The following SPINDOC variants were observed in gnomAD, a reference collection of about 807,000 sequenced individuals.
The protein encoded by SPINDOC is spindlin interactor and repressor of chromatin-binding protein.
In SPINDOC, 13 loss-of-function variants were observed where a neutral mutation model predicts 30.7. That is an observed-to-expected ratio of 0.42 (90% CI 0.28 to 0.67). SPINDOC has a LOEUF of 0.67. Among genes scored for constraint, SPINDOC ranks in the 30% least tolerant of loss-of-function variants. SPINDOC has a pLI of 0.22. For synonymous variants in SPINDOC, 228 were observed against 211.4 expected, an observed-to-expected ratio of 1.08 and a Z score of -0.68; for missense variants, 438 against 518.0, an observed-to-expected ratio of 0.85 and a Z score of 1.50.
intron 5 of SPINDOC, among the ~76,000 whole-genome samples, 168 bp from the exon 6 acceptor site, chr11:63,826,760 G>A (rs2015663571): frequency 6.6e-6 from 1 of 152,228 alleles, no homozygotes. Context: ...GATCACCCAG[G>A]AGTGGAGCTC....
intron 5 of SPINDOC, chr11:63,823,221 TCAGACGATCTCACGAACC>T: frequency 5.4e-6 from 7 of 1,288,204 alleles, no homozygotes; most frequent in Non-Finnish European, 7.1e-6. Context: ...ACCTGTGGTT[TCAGACGATCTCACGAACC>T]CAAAGCTTGG....
chr11:63,825,966 TCTCA>T (rs754622429), intron 5 of SPINDOC, among the ~76,000 whole-genome samples: 1 of 151,742 alleles, frequency 6.6e-6, no homozygotes, highest in Non-Finnish European at 1.5e-5. Context: ...TTTGAGACAG[TCTCA>T]CTCTATTGCC....
At chr11:63,823,182 G>T in intron 5 of SPINDOC, 1 of 1,289,046 alleles carries the variant, frequency 7.8e-7, no homozygotes, top group Non-Finnish European at 1.0e-6. Context: ...GGGCCCCCGT[G>T]GCGGTTCTTT....
chr11:63,817,751 G>C (rs2015380338), intron 1 of SPINDOC, 54 bp from the exon 2 acceptor site: 24 of 1,444,064 alleles, frequency 1.7e-5, no homozygotes, highest in Non-Finnish European at 2.2e-5. Context: ...CGTGCTAAGT[G>C]TTGTTGGTTG....
intron 5 of SPINDOC, among the ~76,000 whole-genome samples, chr11:63,824,460 A>G (rs1368490364): frequency 6.6e-6 from 1 of 152,066 alleles, no homozygotes; most frequent in African/African-American, 2.4e-5. Context: ...CCTGCACTAT[A>G]ATATCTGCGG....
Position 63,818,465 on chromosome 11 carries a change from C to T in SPINDOC, c.608-62C>T. The T allele has an allele frequency of 6.2e-7, 1 of 1,604,106 alleles. No individual in the cohort carries two copies. Among genetic ancestry groups the T allele is most frequent in the Non-Finnish European group, 8.5e-7 (1 of 1,177,348 alleles). ...TTCTGGGCAGGTATCTTCAGGAGCCCTGGGGTGGCAGGGTTCGGGGATGGC... is the reference window on the plus strand; with the variant it reads ...TTCTGGGCAGGTATCTTCAGGAGCCTTGGGGTGGCAGGGTTCGGGGATGGC... On this transcript the variant is annotated intron_variant, in intron 3 of 5. Transcript: ENST00000294244. The surrounding 1 kb of genome is among the most constrained non-coding windows in gnomAD (Gnocchi z 5.3).
intron 5 of SPINDOC, chr11:63,822,542 G>A: frequency 8.4e-7 from 1 of 1,191,188 alleles, no homozygotes; most frequent in South Asian, 1.3e-5. Flanking sequence ...AGTTGCTTTT[G>A]TTTATTTGCC....
At chr11:63,819,563 C>A (rs1399810303) in intron 5 of SPINDOC, among the ~76,000 whole-genome samples, 1 of 151,736 alleles carries the variant, frequency 6.6e-6, no homozygotes, top group Non-Finnish European at 1.5e-5. Context: ...GTGGCGCGAT[C>A]TCGGTTCAGT....
intron 1 of SPINDOC, among the ~76,000 whole-genome samples, chr11:63,815,519 A>G (rs1046722577): frequency 6.6e-6 from 1 of 152,240 alleles, no homozygotes; most frequent in Non-Finnish European, 1.5e-5. Context: ...GCAGTCAGAT[A>G]CATGGGCCTA....
Position 63,818,358 on chromosome 11 carries a change from G to A in SPINDOC, c.600G>A (p.Glu200=), listed in dbSNP as rs751085505. Residue 200 remains glutamate (E), a synonymous_variant, in exon 3 of 6, where the codon GAG becomes GAA. Transcript: ENST00000294244. This position sits in a 1 kb window ranked among gnomAD's most constrained non-coding sequence, Gnocchi z 5.3. ...RSRPRGLRPL[E]LPAVPATEPG... ...GGCCCAGGGGACTCCGCCCCCTCGAGCTTCCTGGTTAGTCAACAGAGAAGC... is the reference window on the plus strand; with the variant it reads ...GGCCCAGGGGACTCCGCCCCCTCGAACTTCCTGGTTAGTCAACAGAGAAGC... 15 of 1,613,692 alleles carry A rather than the reference G, an allele frequency of 9.3e-6. No homozygotes were observed. The highest frequency in any genetic ancestry group is 1.3e-5 in the African/African-American group (1 of 74,884).
At position 63,813,774 on chromosome 11, in the gene SPINDOC, G is replaced by A. The variant is rs768953736; in HGVS notation, c.88G>A (p.Val30Met). The A allele has an allele frequency of 1.9e-6, 3 of 1,591,552 alleles. No homozygotes were observed. Among genetic ancestry groups the A allele is most frequent in the Non-Finnish European group, 2.6e-6 (3 of 1,170,058 alleles). Residue 30 changes from valine (V) to methionine (M), a missense_variant, in exon 1 of 6, where the codon GTG becomes ATG. By Grantham distance (21) the Val-to-Met change is conservative. Transcript: ENST00000294244. The stretch of plus-strand genomic sequence containing the variant: ...AGGGGAGGACGAGGAGGAGGCCATG[G>A]TGGTGGCCGTAATTCCGCGGCCCGA... ...EEGEDEEEAM[V>M]VAVIPRPEPM...
At chr11:63,825,224 G>A (rs534540639) in intron 5 of SPINDOC, among the ~76,000 whole-genome samples, 39 of 152,116 alleles carry the variant, frequency 2.6e-4, no homozygotes, top group Non-Finnish European at 4.9e-4. Flanking sequence ...TGACTAGTGA[G>A]CTCCCCACAG....
intron 5 of SPINDOC, among the ~76,000 whole-genome samples, chr11:63,824,255 A>T (rs1010519435): frequency 6.6e-6 from 1 of 151,458 alleles, no homozygotes; most frequent in Admixed American, 6.6e-5. Flanking sequence ...CTGATCACTC[A>T]CTCCTTCCTG....
At chr11:63,823,045 A>G in intron 5 of SPINDOC, 1 of 1,081,864 alleles carries the variant, frequency 9.2e-7, no homozygotes, top group Non-Finnish European at 1.2e-6. Flanking sequence ...TCACTGGTAC[A>G]CAAGTGTTCC....
chr11:63,814,089 T>G (rs2015273257), intron 1 of SPINDOC, among the ~76,000 whole-genome samples: 1 of 152,086 alleles, frequency 6.6e-6, no homozygotes, highest in South Asian at 2.1e-4. Context: ...GATCTTCCGG[T>G]GCCCAAGCGC....
At chr11:63,819,609 G>A (rs1039610275) in intron 5 of SPINDOC, among the ~76,000 whole-genome samples, 22 of 151,770 alleles carry the variant, frequency 1.4e-4, no homozygotes, top group South Asian at 4.2e-4. Context: ...CGATTCTCCT[G>A]CCTCACCCTC....
intron 1 of SPINDOC, among the ~76,000 whole-genome samples, chr11:63,814,093 C>G (rs2015273462): frequency 6.6e-6 from 1 of 152,258 alleles, no homozygotes; most frequent in African/African-American, 2.4e-5. Context: ...TTCCGGTGCC[C>G]AAGCGCCCCC....
At position 63,822,357 on chromosome 11, in the gene SPINDOC, A is replaced by T. The variant is rs924540891; in HGVS notation, c.934+3355A>T. On this transcript the variant is annotated intron_variant, in intron 5 of 5. Transcript: ENST00000294244. ...CCTGGGCAACTGAGCTAGACTGTCT[A>T]AAAAAAAAAAAAAAAAAAAAAAAGA... 9.6e-4 allele frequency among the ~76,000 whole-genome samples: 105 copies of T among 109,722 alleles called. 1 individual carries two copies. The highest frequency in any genetic ancestry group is 8.7e-3 in the Middle Eastern group (2 of 230). 72.0% of individuals were successfully genotyped at this position (109,722 alleles called of 152,430 possible).
intron 5 of SPINDOC, among the ~76,000 whole-genome samples, chr11:63,819,830 G>A (rs2015460936): frequency 6.6e-6 from 1 of 152,146 alleles, no homozygotes; most frequent in Admixed American, 6.6e-5. Flanking sequence ...CTTGTTTCCT[G>A]GAATTGGTCA....
Sources: allele counts gnomAD v4.1 joint callset (sites outside exome capture counted in the v4.1 genomes callset), GRCh38; gene constraint gnomAD v4.1.1; non-coding constraint Gnocchi (gnomAD v3.1); transcripts MANE v1.5; gene names NCBI Gene and HGNC (gene_info 2026-07-23, HGNC 2026-07-21).